Variants in LRRN4 observed in about 807,000 individuals in gnomAD.
The protein encoded by LRRN4 is leucine-rich repeat neuronal protein 4.
In LRRN4, 26 loss-of-function variants were observed where a neutral mutation model predicts 22.3. The observed-to-expected ratio is 1.16, with a 90% CI of 0.85 to 1.62. LRRN4 has a LOEUF of 1.62. LRRN4 is among the 40% of genes most tolerant of loss of function. The pLI, the probability that LRRN4 is intolerant of heterozygous loss-of-function variation, is 0.00. For missense variants in LRRN4, 1,070 were observed against 1,008.5 expected (o/e 1.06, Z -0.83); for synonymous variants, 496 against 486.2 (o/e 1.02, Z -0.26).
intron 4 of LRRN4, among the ~76,000 whole-genome samples, chr20:6,043,884 C>T (rs941935481): frequency 8.6e-5 from 13 of 151,686 alleles, no homozygotes; most frequent in East Asian, 1.9e-4. Flanking sequence ...CTCCAGCCTG[C>T]GCAACAGAGC....
At chr20:6,050,688 A>G in intron 3 of LRRN4, 91 bp downstream of exon 3, 1 of 1,268,162 alleles carries the variant, frequency 7.9e-7, no homozygotes, top group Non-Finnish European at 1.1e-6. Context: ...AGTGGGAGAA[A>G]AATTAAGGTC....
chr20:6,047,036 C>T (rs180697102), intron 3 of LRRN4, among the ~76,000 whole-genome samples: 6 of 152,080 alleles, frequency 3.9e-5, no homozygotes, highest in Admixed American at 6.5e-5. Flanking sequence ...ACTATGACGA[C>T]TTAGTGAGGT....
chr20:6,043,994 T>C (rs1466066060), intron 4 of LRRN4, among the ~76,000 whole-genome samples: 1 of 152,112 alleles, frequency 6.6e-6, no homozygotes, highest in Non-Finnish European at 1.5e-5. Context: ...GGAAATGGTT[T>C]GAAAGTGCTC....
At position 6,041,374 on chromosome 20, in the gene LRRN4, G is replaced by A. The variant is rs759860639; in HGVS notation, c.1871C>T (p.Ser624Leu). 1.1e-5 allele frequency: 17 copies of A among 1,587,428 alleles called. No homozygotes were observed. The highest frequency in any genetic ancestry group is 2.3e-5 in the South Asian group (2 of 87,552). Residue 624 changes from serine (S) to leucine (L), a missense_variant, in exon 5 of 5, where the codon TCG (serine) becomes TTG (leucine). Ser to Leu is a moderately radical substitution (Grantham distance 145, BLOSUM62 -2). Transcript: ENST00000378858. The surrounding 1 kb of genome is among the most constrained non-coding windows in gnomAD (Gnocchi z 9.4). Reference sequence around the variant, plus strand: ...CGTGGCGTAGATGACCCCCACCACCGACTGGTTCCCCGCCCAGCCCTCCGC... The same window carrying A: ...CGTGGCGTAGATGACCCCCACCACCAACTGGTTCCCCGCCCAGCCCTCCGC... Reference protein sequence around the residue: ...YSAEGWAGNQSVVGVIYATAR... With the variant: ...YSAEGWAGNQLVVGVIYATAR...
chr20:6,044,312 C>G (rs1174991288), intron 4 of LRRN4, among the ~76,000 whole-genome samples: 2 of 152,200 alleles, frequency 1.3e-5, no homozygotes, highest in Non-Finnish European at 1.5e-5. Context: ...CAGCCTGGCT[C>G]ACCAAAAGCC....
intron 3 of LRRN4, 28 bp from the exon 4 acceptor site, chr20:6,044,708 A>C: frequency 6.7e-7 from 1 of 1,483,284 alleles, no homozygotes; most frequent in Non-Finnish European, 9.0e-7. Context: ...AAATTAATTA[A>C]GTCAGGTTTT....
At chr20:6,049,579 C>A (rs184697208) in intron 3 of LRRN4, among the ~76,000 whole-genome samples, 28 of 152,258 alleles carry the variant, frequency 1.8e-4, no homozygotes, top group African/African-American at 6.7e-4. Context: ...CAGCTCACTG[C>A]AACCTCCACT....
Position 6,041,699 on chromosome 20 carries a change from C to A in LRRN4, c.1546G>T (p.Glu516Ter). The change falls in exon 5 of 5, where the codon GAG becomes TAG. Residue 516 changes from glutamate (E) to a stop codon, truncating the protein, a stop_gained. Coordinates refer to ENST00000378858, the MANE Select transcript of LRRN4 (RefSeq NM_152611.5). LOFTEE classifies it low-confidence loss of function (END_TRUNC). The surrounding 1 kb of genome is among the most constrained non-coding windows in gnomAD (Gnocchi z 9.4). The part of the protein sequence containing the change: ...TPQAPNPSLS[E>*]GEIPVLLLDD... ...AGCAGCAAGACTGGAATCTCGCCCTCGGAAAGACTCGGGTTGGGGGCTTGG... is the reference window on the plus strand; with the variant it reads ...AGCAGCAAGACTGGAATCTCGCCCTAGGAAAGACTCGGGTTGGGGGCTTGG... The A allele has an allele frequency of 6.2e-7, 1 of 1,613,226 alleles. No individual in the cohort carries two copies. Among genetic ancestry groups the A allele is most frequent in the East Asian group, 2.2e-5 (1 of 44,828 alleles).
In LRRN4 at chr20:6,041,546, G is replaced by A. The variant is rs185249779; in HGVS notation, c.1699C>T (p.Arg567Trp). 405 of 1,551,650 alleles carry A rather than the reference G, an allele frequency of 2.6e-4. 3 individuals carry two copies. In the African/African-American group the frequency reaches 4.9e-3, roughly 19 times the overall value. ...TPCAELQRRW[R>W]CRCPGLSGED... ...CCGCTGAGGCCGGGGCACCGGCACC[G>A]CCACCGCCTCTGCAGCTCCGCGCAC... The change falls in exon 5 of 5, where the codon CGG becomes TGG. Residue 567 changes from arginine (R) to tryptophan (W), a missense_variant. Arg to Trp is a moderately radical substitution (Grantham distance 101). Coordinates refer to ENST00000378858, the MANE Select transcript of LRRN4 (RefSeq NM_152611.5). This position sits in a 1 kb window ranked among gnomAD's most constrained non-coding sequence, Gnocchi z 9.4.
chr20:6,045,533 A>G (rs964306242), intron 3 of LRRN4, among the ~76,000 whole-genome samples: 1 of 148,958 alleles, frequency 6.7e-6, no homozygotes, highest in African/African-American at 2.4e-5. Context: ...GCAAATCTCC[A>G]CATACAAATA....
chr20:6,046,898 G>A (rs1358826783), intron 3 of LRRN4, among the ~76,000 whole-genome samples: 1 of 151,144 alleles, frequency 6.6e-6, no homozygotes, highest in Non-Finnish European at 1.5e-5. Context: ...AGTTCAATCA[G>A]TATTTTTGTG....
In LRRN4 at chr20:6,041,963, C is replaced by T. The variant is rs1299872223; in HGVS notation, c.1282G>A (p.Gly428Arg). The change falls in exon 5 of 5, where the codon GGG (glycine) becomes AGG (arginine). Residue 428 changes from glycine to arginine, a missense_variant. Gly to Arg is a moderately radical substitution (Grantham distance 125, BLOSUM62 -2). Coordinates refer to ENST00000378858, the MANE Select transcript of LRRN4 (RefSeq NM_152611.5). The surrounding 1 kb of genome is among the most constrained non-coding windows in gnomAD (Gnocchi z 9.4). ...AAWPHSDARE[G>R]TAPSTTNSVA... ...GAGTTGGTCGTGGAGGGGGCAGTCC[C>T]CTCCCGTGCATCGCTGTGCGGCCAT... is the stretch of plus-strand genomic sequence containing the variant. The T allele has an allele frequency of 6.2e-7, 1 of 1,614,086 alleles. No individual in the cohort carries two copies. Among genetic ancestry groups the T allele is most frequent in the Non-Finnish European group, 8.5e-7 (1 of 1,180,016 alleles).
chr20:6,041,100 C>T lies in LRRN4; in HGVS notation c.2145G>A (p.Gln715=). The T allele has an allele frequency of 6.2e-7, 1 of 1,613,224 alleles. No individual in the cohort carries two copies. The highest frequency in any genetic ancestry group is 1.3e-5 in the African/African-American group (1 of 75,056). Residue 715 remains glutamine, a synonymous_variant, in exon 5 of 5, where the codon CAG becomes CAA. Coordinates refer to ENST00000378858, the MANE Select transcript of LRRN4 (RefSeq NM_152611.5). The surrounding 1 kb of genome is among the most constrained non-coding windows in gnomAD (Gnocchi z 9.4). The part of the protein sequence containing the change: ...LCRRGQTLGL[Q]RCDTHLVAYK... ...AGGCCACCAGGTGCGTGTCGCAGCG[C>T]TGCAGGCCCAGCGTCTGGCCCCGCC... is the stretch of plus-strand genomic sequence containing the variant.
At chr20:6,049,755 G>A (rs1041811296) in intron 3 of LRRN4, among the ~76,000 whole-genome samples, 1 of 151,598 alleles carries the variant, frequency 6.6e-6, no homozygotes, top group Non-Finnish European at 1.5e-5. Context: ...CACCCACCTC[G>A]GCCTCCCAAA....
At chr20:6,045,307 G>A (rs1002373505) in intron 3 of LRRN4, among the ~76,000 whole-genome samples, 7 of 148,058 alleles carry the variant, frequency 4.7e-5, no homozygotes, top group Non-Finnish European at 7.5e-5. Flanking sequence ...GGCGGTAGTG[G>A]TGCACCTGTA....
In LRRN4 at chr20:6,049,810, C is replaced by T. The variant is rs373928859; in HGVS notation, c.860+969G>A. Among the ~76,000 whole-genome samples, 69 of 151,760 alleles carry T rather than the reference C, an allele frequency of 4.5e-4. 1 individual carries two copies. In the East Asian group the frequency reaches 0.01, roughly 23 times the overall value. ...GAGCCATCATGCCTGGCCTCACCAC[C>T]ACTATTATATCATACAATCATCACT... On this transcript the variant is annotated intron_variant, in intron 3 of 4. Transcript: ENST00000378858.
At position 6,040,867 on chromosome 20, in the gene LRRN4, G is replaced by T; in HGVS notation, c.*155C>A. The T allele has an allele frequency of 1.0e-6, 1 of 992,594 alleles. No individual in the cohort carries two copies. Among genetic ancestry groups the T allele is most frequent in the Non-Finnish European group, 1.5e-6 (1 of 687,772 alleles). The allele number at this position is 992,594 out of a possible 1,614,324, so 61.5% of individuals were successfully genotyped here. A position where few individuals can be genotyped will look rare whatever the true frequency, so the allele number is the denominator to read the frequency against. The stretch of plus-strand genomic sequence containing the variant: ...GGAGGGCAGCAGTTCCTTGGACCCA[G>T]ACACTCAGTGTGGCAAGTTCCATGT... On this transcript the variant is annotated 3_prime_UTR_variant, in exon 5 of 5. Coordinates refer to ENST00000378858, the MANE Select transcript of LRRN4 (RefSeq NM_152611.5).
chr20:6,049,824 AC>A (rs143172585), intron 3 of LRRN4, among the ~76,000 whole-genome samples: 3,882 of 151,688 alleles, frequency 0.026, 158 homozygotes, highest in African/African-American at 0.087. Context: ...ATTATATCAT[AC>A]AATCATCACT....
In LRRN4 at chr20:6,052,520, CG is replaced by C. The variant is rs1470587262; in HGVS notation, c.279del (p.Glu94SerfsTer11). 3.2e-6 allele frequency: 5 copies of C among 1,586,064 alleles called. No homozygotes were observed. The African/African-American group carries it at 4.0e-5, about 13-fold the overall frequency. ...SHNLLRALST[S>X]ELGHLEQLQV... ...TGCAGCTGCTCCAGGTGGCCGAGCT[CG>C]GAAGTGCTCAGGGCGCGCAGCAGGT... On this transcript the variant is annotated frameshift_variant, in exon 2 of 5. Coordinates refer to ENST00000378858, the MANE Select transcript of LRRN4 (RefSeq NM_152611.5). LOFTEE classifies it high-confidence loss of function.
Sources: allele counts gnomAD v4.1 joint callset (sites outside exome capture counted in the v4.1 genomes callset), GRCh38; gene constraint gnomAD v4.1.1; non-coding constraint Gnocchi (gnomAD v3.1); transcripts MANE v1.5; gene names NCBI Gene and HGNC (gene_info 2026-07-23, HGNC 2026-07-21).